Variants in CABLES2 observed in about 807,000 individuals in gnomAD.
CABLES2 encodes CDK5 and ABL1 enzyme substrate 2.
A neutral mutation model predicts 44.8 loss-of-function variants in CABLES2; 35 were observed. The ratio of observed to expected loss-of-function variants is 0.78; its 90% CI spans 0.60 to 1.04. The LOEUF (loss-of-function observed/expected upper bound fraction) is 1.04, where lower values mean the gene tolerates loss of function less well. CABLES2 is among the 50% of genes least tolerant of loss of function. The probability of loss-of-function intolerance (pLI) is 0.00; values close to 1 mark genes in which losing one functional copy is unlikely to be tolerated. For missense variants in CABLES2, 566 were observed against 615.7 expected, an observed-to-expected ratio of 0.92 and a Z score of 0.85; for synonymous variants, 282 against 281.1, an observed-to-expected ratio of 1.00 and a Z score of -0.03.
At position 62,392,434 on chromosome 20, in the gene CABLES2, C is replaced by T; in HGVS notation, c.1046G>A (p.Arg349Lys). 1 of 1,614,080 alleles carries T rather than the reference C, an allele frequency of 6.2e-7. No individual in the cohort carries two copies. The highest frequency in any genetic ancestry group is 8.5e-7 in the Non-Finnish European group (1 of 1,179,984). Residue 349 changes from arginine (R) to lysine (K), a missense_variant, in exon 8 of 10, where the codon AGG (arginine) becomes AAG (lysine). Arg to Lys is a conservative substitution (Grantham distance 26). This residue lies in a region of CABLES2 where 436 missense variants were observed against 536.3 expected (regional missense o/e 0.81). Transcript: ENST00000279101. ...DLKKDMNETF[R>K]EKFPHVKLTL... ...CAGTTTGACATGGGGGAACTTCTCC[C>T]TGAAGGTCTCGTTCATGTCCTTTTT...
At chr20:62,398,089 C>CGGTGGTGGTGGTGGTGATGGT (rs1988086659) in intron 1 of CABLES2, among the ~76,000 whole-genome samples, 9 of 54,930 alleles carry the variant, frequency 1.6e-4, no homozygotes, top group South Asian at 8.9e-4. Context: ...GTGGTGGTGA[C>CGGTGGTGGTGGTGGTGATGGT]GGTGGTGGTG....
chr20:62,394,841 C>T (rs930414780), intron 4 of CABLES2, 96 bp downstream of exon 4: 83 of 1,088,888 alleles, frequency 7.6e-5, no homozygotes, highest in Non-Finnish European at 9.4e-5. Flanking sequence ...CACCTGGGGG[C>T]GCAGTGCCCG....
Position 62,407,226 on chromosome 20 carries a change from G to A in CABLES2, c.51C>T (p.Ala17=). The change falls in exon 1 of 10, where the codon GCC becomes GCT. Residue 17 remains alanine, a synonymous_variant. Coordinates refer to ENST00000279101, the MANE Select transcript of CABLES2 (RefSeq NM_031215.3). The part of the protein sequence containing the change: ...GGAPGPAPGP[A]GPPPPAAPTS... ...TCGGCGCGGCGGGTGGCGGGGGCCC[G>A]GCGGGGCCGGGGGCCGGGCCCGGGG... is the stretch of plus-strand genomic sequence containing the variant. 1.1e-6 allele frequency: 1 copy of A among 908,792 alleles called. No individual in the cohort carries two copies. Among genetic ancestry groups the A allele is most frequent in the Non-Finnish European group, 1.3e-6 (1 of 763,406 alleles). 56.3% of individuals were successfully genotyped at this position (908,792 alleles called of 1,614,324 possible).
At chr20:62,398,080 T>TGATGGTTATGAC (rs1418746374) in intron 1 of CABLES2, among the ~76,000 whole-genome samples, 1 of 116,952 alleles carries the variant, frequency 8.6e-6, no homozygotes, top group African/African-American at 3.5e-5. Flanking sequence ...ACGGTGGTGG[T>TGATGGTTATGAC]GGTGGTGACG....
intron 1 of CABLES2, among the ~76,000 whole-genome samples, chr20:62,399,548 GT>G (rs142175373): frequency 1.1e-4 from 14 of 130,584 alleles, no homozygotes; most frequent in South Asian, 2.6e-4. Context: ...CGCCCGGCCT[GT>G]TTTTTTTTTT....
chr20:62,391,832 G>C lies in CABLES2; in HGVS notation c.1092-379C>G, dbSNP rs570214399. On this transcript the variant is annotated intron_variant, in intron 8 of 9. Transcript: ENST00000279101. The surrounding 1 kb of genome is among the most constrained non-coding windows in gnomAD (Gnocchi z 5.7). ...AGGGTATTGAGTGAGCTGCCCTCTGGAACACTGGGGCAGAGGCCGGCAGGG... is the reference window on the plus strand; with the variant it reads ...AGGGTATTGAGTGAGCTGCCCTCTGCAACACTGGGGCAGAGGCCGGCAGGG... Among the ~76,000 whole-genome samples the C allele has an allele frequency of 6.6e-6, 1 of 152,180 alleles. No homozygotes were observed. The highest frequency in any genetic ancestry group is 6.5e-5 in the Admixed American group (1 of 15,302).
chr20:62,395,517 G>C lies in CABLES2; in HGVS notation c.528-503C>G, dbSNP rs183710356. Among the ~76,000 whole-genome samples the C allele has an allele frequency of 2.2e-4, 33 of 152,334 alleles. No homozygotes were observed. In the East Asian group the frequency reaches 6.2e-3, roughly 29 times the overall value. The stretch of plus-strand genomic sequence containing the variant: ...TGGCCTGGAGGCTCCCTTCCAAGGC[G>C]CTCGAGCAGCCGGGCCCCGGGCCCA... On this transcript the variant is annotated intron_variant, in intron 3 of 9. Coordinates refer to ENST00000279101, the MANE Select transcript of CABLES2 (RefSeq NM_031215.3).
At position 62,397,985 on chromosome 20, in the gene CABLES2, G is replaced by A. The variant is rs550704184; in HGVS notation, c.363-1393C>T. The stretch of plus-strand genomic sequence containing the variant: ...TGATGGTGGTGACAGTGGTGATGGC[G>A]GTGGTGGTGATGATGGTGATGGTTA... On this transcript the variant is annotated intron_variant, in intron 1 of 9. Transcript: ENST00000279101. Among the ~76,000 whole-genome samples, 45 of 67,662 alleles carry A rather than the reference G, an allele frequency of 6.7e-4. 1 individual carries two copies. The highest frequency in any genetic ancestry group is 1.0e-3 in the Admixed American group (8 of 7,658). 44.4% of individuals were successfully genotyped at this position (67,662 alleles called of 152,430 possible).
Position 62,393,516 on chromosome 20 carries a change from G to A in CABLES2, c.804C>T (p.Pro268=). 6.2e-7 allele frequency: 1 copy of A among 1,613,578 alleles called. No individual in the cohort carries two copies. The highest frequency in any genetic ancestry group is 8.5e-7 in the Non-Finnish European group (1 of 1,179,702). Residue 268 remains proline, a synonymous_variant, in exon 6 of 10, where the codon CCC becomes CCT. Transcript: ENST00000279101. ...ACCCTGGCAGAGTCCGGGGGACACT[G>A]GGCCGAGGTGTGGGCAGCAGGCCAT... ...DSHGLLPTPR[P]SVPRTLPGSR...
At chr20:62,406,636 G>T (rs1173399769) in intron 1 of CABLES2, among the ~76,000 whole-genome samples, 2 of 152,108 alleles carry the variant, frequency 1.3e-5, no homozygotes, top group Non-Finnish European at 2.9e-5. Context: ...CTGTGTCCTG[G>T]GCTGATGAGG....
At chr20:62,392,228 G>A (rs1987931997) in intron 8 of CABLES2, among the ~76,000 whole-genome samples, 161 bp downstream of exon 8, 2 of 151,466 alleles carry the variant, frequency 1.3e-5, no homozygotes, top group East Asian at 1.9e-4. Flanking sequence ...GGGCGGTGGA[G>A]GTGGGGGAGC....
rs1029456490 is a variant in CABLES2, at chr20:62,390,903, G to A, written c.*68C>T. ...GGGTGCTGGCAGGAGGAGGCGCGGG[G>A]CTTCAGTGGGACACCTCCCAGGCCG... On this transcript the variant is annotated 3_prime_UTR_variant, in exon 10 of 10. Transcript: ENST00000279101. 6.3e-7 allele frequency: 1 copy of A among 1,587,502 alleles called. No homozygotes were observed. The highest frequency in any genetic ancestry group is 1.7e-5 in the Admixed American group (1 of 59,426).
At chr20:62,394,355 C>T (rs2146420028) in intron 4 of CABLES2, 90 bp from the exon 5 acceptor site, 2 of 993,678 alleles carry the variant, frequency 2.0e-6, no homozygotes, top group Non-Finnish European at 3.1e-6. Flanking sequence ...CCGAGGTGCT[C>T]TCGGGAACAA....
At position 62,398,109 on chromosome 20, in the gene CABLES2, G is replaced by GTGA. The variant is rs1255799771; in HGVS notation, c.363-1518_363-1517insTCA. Among the ~76,000 whole-genome samples the GTGA allele has an allele frequency of 4.4e-4, 46 of 104,904 alleles. 2 individuals carry two copies. Among genetic ancestry groups the GTGA allele is most frequent in the Admixed American group, 1.5e-3 (15 of 9,748 alleles). 68.8% of individuals were successfully genotyped at this position (104,904 alleles called of 152,430 possible). Reference sequence around the variant, plus strand: ...GGTGACGGTGGTGGTGGTGGTGATGGTGGTGGTGGTGGTGGTTATGACGGT... The same window carrying GTGA: ...GGTGACGGTGGTGGTGGTGGTGATGGTGATGGTGGTGGTGGTGGTTATGACGGT... On this transcript the variant is annotated intron_variant, in intron 1 of 9. Coordinates refer to ENST00000279101, the MANE Select transcript of CABLES2 (RefSeq NM_031215.3).
intron 1 of CABLES2, among the ~76,000 whole-genome samples, chr20:62,398,051 G>GATGGTT (rs1988076101): frequency 1.4e-5 from 2 of 144,290 alleles, no homozygotes; most frequent in Non-Finnish European, 3.0e-5. Flanking sequence ...TGATGGTGGT[G>GATGGTT]ATGGCGATGG....
At chr20:62,406,669 G>T (rs6061516) in intron 1 of CABLES2, among the ~76,000 whole-genome samples, 4 of 147,126 alleles carry the variant, frequency 2.7e-5, no homozygotes, top group African/African-American at 8.0e-5. Context: ...CCTGACCCCT[G>T]TGTCCTGGGT....
Position 62,390,890 on chromosome 20 carries a change from G to A in CABLES2, c.*81C>T. On this transcript the variant is annotated 3_prime_UTR_variant, in exon 10 of 10. Transcript: ENST00000279101. ...TAGCAGGTGCTGGGGGTGCTGGCAGGAGGAGGCGCGGGGCTTCAGTGGGAC... is the reference window on the plus strand; with the variant it reads ...TAGCAGGTGCTGGGGGTGCTGGCAGAAGGAGGCGCGGGGCTTCAGTGGGAC... 5 of 1,554,206 alleles carry A rather than the reference G, an allele frequency of 3.2e-6. No individual in the cohort carries two copies. The highest frequency in any genetic ancestry group is 4.4e-6 in the Non-Finnish European group (5 of 1,134,794).
chr20:62,397,992 G>A (rs1476816000), intron 1 of CABLES2, among the ~76,000 whole-genome samples: 1 of 82,122 alleles, frequency 1.2e-5, no homozygotes, highest in Non-Finnish European at 2.5e-5. Context: ...GGCGGTGGTG[G>A]TGATGATGGT....
intron 1 of CABLES2, chr20:62,402,268 A>C (rs1364118598): frequency 2.0e-5 from 3 of 152,236 alleles, no homozygotes; most frequent in Middle Eastern, 3.2e-3. Flanking sequence ...CACTGTTTCT[A>C]GTGTTCGGTA....
Sources: gnomAD v4.1 joint callset for allele counts (sites outside exome capture counted in the v4.1 genomes callset) on GRCh38, gnomAD v4.1.1 for gene constraint, gnomAD v4.1.1 regional missense constraint, Gnocchi (gnomAD v3.1) non-coding constraint, MANE v1.5 for transcripts, NCBI Gene and HGNC (gene_info 2026-07-23, HGNC 2026-07-21) for gene names.